Variants in MPRIP observed in about 807,000 individuals in gnomAD.
MPRIP encodes the protein myosin phosphatase Rho interacting protein.
MPRIP carries 59 observed loss-of-function variants against 234.9 expected under a neutral mutation model. The observed-to-expected ratio is 0.25, with a 90% CI of 0.20 to 0.31. The LOEUF (loss-of-function observed/expected upper bound fraction) is 0.31. Among genes scored for constraint, MPRIP ranks in the 10% least tolerant of loss-of-function variants. The pLI is 1.00. For missense variants in MPRIP, 2,436 were observed against 3,071.0 expected (o/e 0.79, Z 4.89); for synonymous variants, 1,144 against 1,263.9 (o/e 0.91, Z 2.01).
At chr17:17,131,861 C>T (rs890728632) in intron 5 of MPRIP, among the ~76,000 whole-genome samples, 160 bp downstream of exon 5, 1 of 152,244 alleles carries the variant, frequency 6.6e-6, no homozygotes, top group Non-Finnish European at 1.5e-5. Context: ...CTGCAAGATC[C>T]TCACTGAGCC....
At chr17:17,173,006 CAGAG>C in intron 18 of MPRIP, among the ~76,000 whole-genome samples, 191 bp downstream of exon 18, 1 of 152,376 alleles carries the variant, frequency 6.6e-6, no homozygotes, top group South Asian at 2.1e-4. Flanking sequence ...CTCCTTTATT[CAGAG>C]AGACTGTTCC....
At chr17:17,121,519 C>T (rs780827155) in intron 3 of MPRIP, among the ~76,000 whole-genome samples, 9 of 152,158 alleles carry the variant, frequency 5.9e-5, no homozygotes, top group African/African-American at 1.2e-4. Flanking sequence ...TGCAGCAGTG[C>T]GTGGTATTCA....
At chr17:17,048,437 T>C (rs1050910202) in intron 1 of MPRIP, among the ~76,000 whole-genome samples, 17 of 152,190 alleles carry the variant, frequency 1.1e-4, no homozygotes, top group African/African-American at 4.1e-4. Flanking sequence ...CTGATTTGAC[T>C]TAATGTGTAT....
At chr17:17,077,882 G>A in intron 2 of MPRIP, 129 bp from the exon 3 acceptor site, 1 of 859,676 alleles carries the variant, frequency 1.2e-6, no homozygotes, top group Non-Finnish European at 1.9e-6. Context: ...CCTGCCACCT[G>A]CCCCAGAAGT....
In MPRIP at chr17:17,189,142, T is replaced by C. The variant is rs1032566992; in HGVS notation, c.*4248T>C. 3.3e-5 allele frequency: 5 copies of C among 151,818 alleles called. No individual in the cohort carries two copies. The highest frequency in any genetic ancestry group is 1.3e-4 in the Admixed American group (2 of 15,210). 9.4% of individuals were successfully genotyped at this position (151,818 alleles called of 1,614,324 possible). ...AAGAAGCTTGGAATTTATAAGACTT[T>C]CCTTTATAAGATATAGTGGGGGTTT... On this transcript the variant is annotated 3_prime_UTR_variant, in exon 24 of 24. Coordinates refer to ENST00000651222, the MANE Select transcript of MPRIP (RefSeq NM_001364716.4).
chr17:17,154,533 C>T (rs1056877697), intron 13 of MPRIP, 118 bp downstream of exon 13: 6 of 741,556 alleles, frequency 8.1e-6, no homozygotes, highest in Non-Finnish European at 1.2e-5. Context: ...TCCCAGTCTG[C>T]TGCTCCTTCC....
Position 17,136,398 on chromosome 17 carries a change from C to G in MPRIP, c.684C>G (p.Ser228Arg). 6.2e-7 allele frequency: 1 copy of G among 1,610,046 alleles called. No homozygotes were observed. Among genetic ancestry groups the G allele is most frequent in the Non-Finnish European group, 8.5e-7 (1 of 1,178,102 alleles). The change falls in exon 6 of 24, where the codon AGC (serine) becomes AGG (arginine). Residue 228 changes from serine (S) to arginine (R), a missense_variant. Coordinates refer to ENST00000651222, the MANE Select transcript of MPRIP (RefSeq NM_001364716.4). ...SLSPAQSPSQ[S>R]QPPAASSLRE... is the part of the protein sequence containing the mutation. ...GTCCAGCTCAGAGTCCCAGCCAGAGCCAGCCTCCTGCTGCCAGCTCCCTGC... is the reference window on the plus strand; with the variant it reads ...GTCCAGCTCAGAGTCCCAGCCAGAGGCAGCCTCCTGCTGCCAGCTCCCTGC...
rs1249749857 is a variant in MPRIP, at chr17:17,184,908, A to AAG, written c.*15_*16dup. 1.9e-6 allele frequency: 3 copies of AAG among 1,601,088 alleles called. No individual in the cohort carries two copies. Among genetic ancestry groups the AAG allele is most frequent in the Non-Finnish European group, 2.6e-6 (3 of 1,169,954 alleles). On this transcript the variant is annotated 3_prime_UTR_variant, in exon 24 of 24. Coordinates refer to ENST00000651222, the MANE Select transcript of MPRIP (RefSeq NM_001364716.4). ...AAGAAAGACTAGGTGTGTCCCATCC[A>AAG]AGTTGAGCACGCGCCTTCCCCAGCT...
chr17:17,054,798 C>A (rs1263515755), intron 1 of MPRIP, among the ~76,000 whole-genome samples: 2 of 152,010 alleles, frequency 1.3e-5, no homozygotes, highest in Non-Finnish European at 2.9e-5. Flanking sequence ...ACCTGTTATC[C>A]CGGAACTTTG....
intron 18 of MPRIP, among the ~76,000 whole-genome samples, chr17:17,173,360 C>T (rs1033494224): frequency 6.6e-6 from 1 of 152,240 alleles, no homozygotes; most frequent in Non-Finnish European, 1.5e-5. Context: ...TATAGCATAG[C>T]CGAAGCCAGG....
In MPRIP at chr17:17,191,997, A is replaced by G. The variant is rs1428002721; in HGVS notation, c.*7103A>G. ...TAGAAAGCATCCAAGTGGCTCCTCA[A>G]CAATTACAATTCTTAATGATTTTTC... On this transcript the variant is annotated 3_prime_UTR_variant, in exon 24 of 24. Transcript: ENST00000651222. The G allele has an allele frequency of 6.6e-6, 1 of 152,218 alleles. No individual in the cohort carries two copies. Among genetic ancestry groups the G allele is most frequent in the African/African-American group, 2.4e-5 (1 of 41,448 alleles). 9.4% of individuals were successfully genotyped at this position (152,218 alleles called of 1,614,324 possible). A position where few individuals can be genotyped will look rare whatever the true frequency, so the allele number is the denominator to read the frequency against.
intron 1 of MPRIP, among the ~76,000 whole-genome samples, chr17:17,054,301 A>C (rs1292460253): frequency 6.6e-6 from 1 of 152,340 alleles, no homozygotes; most frequent in East Asian, 1.9e-4. Flanking sequence ...ACAAGGACAA[A>C]AGCGGTGGGC....
At chr17:17,126,977 C>A in intron 4 of MPRIP, 124 bp downstream of exon 4, 1 of 1,195,080 alleles carries the variant, frequency 8.4e-7, no homozygotes, top group Non-Finnish European at 1.2e-6. Context: ...TATTCTTGGG[C>A]TCTGTCTCTG....
At chr17:17,069,979 T>C (rs546667710) in intron 1 of MPRIP, among the ~76,000 whole-genome samples, 1 of 152,202 alleles carries the variant, frequency 6.6e-6, no homozygotes, top group African/African-American at 2.4e-5. Context: ...TCTGAGAAGG[T>C]CTGGATTTCC....
intron 8 of MPRIP, 82 bp downstream of exon 8, chr17:17,142,847 C>T: frequency 1.3e-6 from 2 of 1,502,866 alleles, no homozygotes; most frequent in Non-Finnish European, 1.8e-6. Flanking sequence ...GTCCCCTCCA[C>T]ACAGGCCTGG....
chr17:17,111,700 T>G (rs2090174864), intron 3 of MPRIP, among the ~76,000 whole-genome samples: 1 of 152,134 alleles, frequency 6.6e-6, no homozygotes, highest in South Asian at 2.1e-4. Flanking sequence ...CAGGACCAAG[T>G]GGGAACTGCG....
chr17:17,154,259 G>A (rs1013761221), intron 12 of MPRIP, 47 bp from the exon 13 acceptor site: 40 of 1,544,000 alleles, frequency 2.6e-5, no homozygotes, highest in Non-Finnish European at 3.6e-5. Flanking sequence ...AGGGCAGCAG[G>A]CACCCTAGGG....
rs1260731441 is a variant in MPRIP at position 17,143,659 on chromosome 17, C to G, written c.1493C>G (p.Pro498Arg). 1.9e-6 allele frequency: 3 copies of G among 1,602,528 alleles called. No homozygotes were observed. The highest frequency in any genetic ancestry group is 1.7e-6 in the Non-Finnish European group (2 of 1,174,466). The change falls in exon 9 of 24, where the codon CCC becomes CGC. Residue 498 changes from proline to arginine, a missense_variant. Physicochemically the swap from Pro to Arg is moderately radical, Grantham distance 103. Coordinates refer to ENST00000651222, the MANE Select transcript of MPRIP (RefSeq NM_001364716.4). ...TCACTGGACAGGAGGTCCACGGAGC[C>G]CTCCGTGACGGTGAGCCCAGGCGCC... is the stretch of plus-strand genomic sequence containing the variant. Reference protein sequence around the residue: ...AKSLDRRSTEPSVTPDLLNFK... With the variant: ...AKSLDRRSTERSVTPDLLNFK...
At chr17:17,144,849 C>T (rs1033866306) in intron 9 of MPRIP, among the ~76,000 whole-genome samples, 3 of 152,080 alleles carry the variant, frequency 2.0e-5, no homozygotes, top group East Asian at 1.9e-4. Context: ...AGCGAGACTC[C>T]GTCTCAAAAA....
Sources: gnomAD v4.1 joint callset for allele counts (sites outside exome capture counted in the v4.1 genomes callset) on GRCh38, gnomAD v4.1.1 for gene constraint, MANE v1.5 for transcripts, NCBI Gene and HGNC (gene_info 2026-07-23, HGNC 2026-07-21) for gene names.